The following ARHGAP23 variants were observed in gnomAD, a reference collection of about 807,000 sequenced individuals.
ARHGAP23 encodes the protein rho GTPase-activating protein 23.
ARHGAP23 carries 34 observed loss-of-function variants against 136.3 expected under a neutral mutation model. That is an observed-to-expected ratio of 0.25 (90% CI 0.19 to 0.33). The LOEUF is 0.33. Ranked by LOEUF, ARHGAP23 falls within the 10% of genes least tolerant of loss-of-function variation. ARHGAP23 has a pLI of 1.00. For synonymous variants in ARHGAP23, 832 were observed against 920.5 expected (o/e 0.90, Z 1.74); for missense variants, 1,808 against 2,139.0 (o/e 0.85, Z 3.05).
upstream of ARHGAP23, among the ~76,000 whole-genome samples, chr17:38,426,270 C>T (rs182029599): frequency 1.3e-5 from 2 of 151,838 alleles, no homozygotes; most frequent in Admixed American, 1.3e-4. Context: ...AGGCCAGGCG[C>T]GGTGGCTCAT....
At chr17:38,488,289 G>A (rs886936912) in intron 17 of ARHGAP23, among the ~76,000 whole-genome samples, 2 of 152,120 alleles carry the variant, frequency 1.3e-5, no homozygotes, top group African/African-American at 4.8e-5. Flanking sequence ...TATTTTCATT[G>A]CCCTCATTAC....
chr17:38,482,043 A>G lies in ARHGAP23; in HGVS notation c.2651A>G (p.Lys884Arg). ...TCAGATGACAGTGCTGCAGCCCCCA[A>G]AACCCCCTGGGGCATCAACATCATC... The part of the protein sequence containing the change: ...GSKDDSAAAP[K>R]TPWGINIIKK... Residue 884 changes from lysine (K) to arginine (R), a missense_variant, in exon 15 of 24, where the codon AAA becomes AGA. By Grantham distance (26) the Lys-to-Arg change is conservative. Transcript: ENST00000622683. 6.5e-7 allele frequency: 1 copy of G among 1,545,742 alleles called. No homozygotes were observed. Among genetic ancestry groups the G allele is most frequent in the Non-Finnish European group, 8.7e-7 (1 of 1,144,874 alleles).
chr17:38,468,846 G>A (rs2039675334), intron 7 of ARHGAP23, among the ~76,000 whole-genome samples: 1 of 152,146 alleles, frequency 6.6e-6, no homozygotes, highest in South Asian at 2.1e-4. Flanking sequence ...TCAGTCTGAT[G>A]AGGGAGACAC....
chr17:38,510,074 C>G lies in ARHGAP23; in HGVS notation c.3578C>G (p.Ser1193Trp), dbSNP rs887248987. ...CTGGGCAGCAGCACCGACGACGACTCGGAGCAGGAGGCGCACAAGCCTGGG... is the reference window on the plus strand; with the variant it reads ...CTGGGCAGCAGCACCGACGACGACTGGGAGCAGGAGGCGCACAAGCCTGGG... ...RGLGSSTDDD[S>W]EQEAHKPGAG... Residue 1193 changes from serine (S) to tryptophan (W), a missense_variant, in exon 24 of 24, where the codon TCG becomes TGG. By Grantham distance (177) the Ser-to-Trp change is radical (BLOSUM62 -3). Coordinates refer to ENST00000622683, the MANE Select transcript of ARHGAP23 (RefSeq NM_001199417.2). The surrounding 1 kb of genome is among the most constrained non-coding windows in gnomAD (Gnocchi z 4.6). 8 of 1,239,140 alleles carry G rather than the reference C, an allele frequency of 6.5e-6. No homozygotes were observed. Among genetic ancestry groups the G allele is most frequent in the Non-Finnish European group, 8.1e-6 (8 of 993,012 alleles). 76.8% of individuals were successfully genotyped at this position (1,239,140 alleles called of 1,614,324 possible).
At chr17:38,486,504 G>A (rs973352187) in intron 17 of ARHGAP23, among the ~76,000 whole-genome samples, 1 of 148,596 alleles carries the variant, frequency 6.7e-6, no homozygotes, top group Non-Finnish European at 1.5e-5. Context: ...CTCACAAAAT[G>A]CTGGGATTAC....
chr17:38,445,709 A>G (rs1423288933), intron 1 of ARHGAP23, among the ~76,000 whole-genome samples: 1 of 150,958 alleles, frequency 6.6e-6, no homozygotes, highest in Non-Finnish European at 1.5e-5. Flanking sequence ...ATCACGGCTC[A>G]CTGCAGCCTT....
At chr17:38,504,303 C>T (rs1367631974) in intron 23 of ARHGAP23, among the ~76,000 whole-genome samples, 1 of 152,300 alleles carries the variant, frequency 6.6e-6, no homozygotes, top group East Asian at 1.9e-4. Flanking sequence ...GGGACAGGGA[C>T]GTTGAGTTGT....
chr17:38,444,376 C>T (rs145691818), intron 1 of ARHGAP23, among the ~76,000 whole-genome samples: 3 of 152,162 alleles, frequency 2.0e-5, no homozygotes, highest in Non-Finnish European at 2.9e-5. Context: ...TGAGAGGACG[C>T]GGCGGTGTCT....
intron 16 of ARHGAP23, among the ~76,000 whole-genome samples, chr17:38,482,981 C>T (rs1209635345): frequency 5.3e-5 from 8 of 152,118 alleles, no homozygotes; most frequent in African/African-American, 4.8e-5. Context: ...CACCAAAGGC[C>T]GGTGAAAGCC....
chr17:38,460,462 G>A (rs1009975719), intron 2 of ARHGAP23, among the ~76,000 whole-genome samples: 3 of 152,046 alleles, frequency 2.0e-5, no homozygotes, highest in African/African-American at 7.2e-5. Flanking sequence ...CCTTCTACCC[G>A]CCACCCTCAG....
chr17:38,471,720 G>A, intron 10 of ARHGAP23, 143 bp from the exon 11 acceptor site: 1 of 937,988 alleles, frequency 1.1e-6, no homozygotes, highest in Non-Finnish European at 1.6e-6. Context: ...GAGAGGACAA[G>A]CAATGCCCAT....
At chr17:38,505,006 TTTTTTTTTTTTTTTTTTG>T (rs2040601769) in intron 23 of ARHGAP23, among the ~76,000 whole-genome samples, 2 of 104,034 alleles carry the variant, frequency 1.9e-5, no homozygotes, top group South Asian at 3.7e-4. Flanking sequence ...TTTTTTTTTT[TTTTTTTTTTTTTTTTTTG>T]AGACAGGTCT....
At chr17:38,458,719 G>A (rs897686341) in intron 2 of ARHGAP23, among the ~76,000 whole-genome samples, 14 of 152,218 alleles carry the variant, frequency 9.2e-5, no homozygotes. Flanking sequence ...ACCTGTGGGA[G>A]CCCTCCCAGC....
chr17:38,503,545 T>A (rs8077710), intron 23 of ARHGAP23, among the ~76,000 whole-genome samples: 15,090 of 152,096 alleles, frequency 0.099, 850 homozygotes, highest in South Asian at 0.17. Flanking sequence ...CCCTTCTGAG[T>A]CCCTTCTGGC....
chr17:38,456,383 A>G (rs1453354003), intron 1 of ARHGAP23, among the ~76,000 whole-genome samples: 1 of 152,126 alleles, frequency 6.6e-6, no homozygotes, highest in African/African-American at 2.4e-5. Context: ...CAGCTACGAG[A>G]AGGGGACAAA....
upstream of ARHGAP23, among the ~76,000 whole-genome samples, chr17:38,426,485 G>A (rs946930757): frequency 4.1e-5 from 6 of 146,172 alleles, no homozygotes; most frequent in Admixed American, 2.1e-4. Flanking sequence ...GGGAAGCAGA[G>A]GTTGCAGTGA....
At chr17:38,433,648 C>A (rs1366527941) in intron 1 of ARHGAP23, among the ~76,000 whole-genome samples, 1 of 152,208 alleles carries the variant, frequency 6.6e-6, no homozygotes, top group Non-Finnish European at 1.5e-5. Context: ...GTGAATCCTA[C>A]TTCCTACTGT....
At chr17:38,445,159 T>TA (rs1241893337) in intron 1 of ARHGAP23, among the ~76,000 whole-genome samples, 1 of 151,072 alleles carries the variant, frequency 6.6e-6, no homozygotes, top group African/African-American at 2.4e-5. Context: ...TTGGCCTTTT[T>TA]AAAAAAATCA....
In ARHGAP23 at chr17:38,466,963, A is replaced by G. The variant is rs757008167; in HGVS notation, c.1280A>G (p.Gln427Arg). 4.5e-6 allele frequency: 7 copies of G among 1,550,392 alleles called. No individual in the cohort carries two copies. In the East Asian group the frequency reaches 1.7e-4, roughly 38 times the overall value. The stretch of plus-strand genomic sequence containing the variant: ...TACCGGAGCTACAGCCCATCATTCC[A>G]GCGCCGGACCGGCCTCCTCCATGCG... ...IGYRSYSPSF[Q>R]RRTGLLHALS... The change falls in exon 7 of 24, where the codon CAG becomes CGG. Residue 427 changes from glutamine to arginine, a missense_variant. Gln to Arg is a conservative substitution (Grantham distance 43). This residue lies in a region of ARHGAP23 where 859 missense variants were observed against 936.4 expected (regional missense o/e 0.92). Coordinates refer to ENST00000622683, the MANE Select transcript of ARHGAP23 (RefSeq NM_001199417.2).
Sources: allele counts gnomAD v4.1 joint callset (sites outside exome capture counted in the v4.1 genomes callset), GRCh38; gene constraint gnomAD v4.1.1; regional missense constraint gnomAD v4.1.1; non-coding constraint Gnocchi (gnomAD v3.1); transcripts MANE v1.5; gene names NCBI Gene and HGNC (gene_info 2026-07-23, HGNC 2026-07-21).